MYT1L: variants seen among roughly 807,000 people sequenced by gnomAD.
MYT1L encodes myelin transcription factor 1-like protein.
Under a neutral mutation model 126.7 loss-of-function variants are expected in MYT1L, and 12 were observed. The ratio of observed to expected loss-of-function variants is 0.09; its 90% CI spans 0.06 to 0.15. The LOEUF is 0.15. Ranked by LOEUF, MYT1L falls within the 10% of genes least tolerant of loss-of-function variation. MYT1L has a pLI of 1.00. For synonymous variants in MYT1L, 541 were observed against 604.2 expected (o/e 0.90, Z 1.53); for missense variants, 979 against 1,585.2 (o/e 0.62, Z 6.49).
chr2:2,266,941 T>C (rs57582730), intron 2 of MYT1L, among the ~76,000 whole-genome samples: 66 of 152,306 alleles, frequency 4.3e-4, no homozygotes, highest in African/African-American at 1.4e-3. Flanking sequence ...CCTTTATAAA[T>C]TACCCAGTCT....
At chr2:2,031,106 A>G (rs1031938926) in intron 4 of MYT1L, among the ~76,000 whole-genome samples, 1 of 152,236 alleles carries the variant, frequency 6.6e-6, no homozygotes, top group Non-Finnish European at 1.5e-5. Context: ...TTAACTTCAG[A>G]AGTTAAAATT....
intron 2 of MYT1L, among the ~76,000 whole-genome samples, chr2:2,281,992 T>A (rs2095454073): frequency 6.6e-6 from 1 of 152,230 alleles, no homozygotes; most frequent in African/African-American, 2.4e-5. Context: ...AACACAATCC[T>A]AGCTTTCTTT....
chr2:2,111,562 A>G (rs2079462275), intron 3 of MYT1L, among the ~76,000 whole-genome samples: 1 of 152,222 alleles, frequency 6.6e-6, no homozygotes, highest in Non-Finnish European at 1.5e-5. Flanking sequence ...AACAGAGGCT[A>G]GAAATGTGAA....
chr2:2,204,561 G>A (rs2093232386), intron 2 of MYT1L, among the ~76,000 whole-genome samples: 1 of 141,730 alleles, frequency 7.1e-6, no homozygotes, highest in South Asian at 2.1e-4. Flanking sequence ...ACCACAATGA[G>A]ATACCATCTC....
Position 2,213,180 on chromosome 2 carries a change from C to T in MYT1L, c.-420-40192G>A, listed in dbSNP as rs149267320. On this transcript the variant is annotated intron_variant, in intron 2 of 24. Coordinates refer to ENST00000647738, the MANE Select transcript of MYT1L (RefSeq NM_001303052.2). ...CAAATACAAAACAATTGTTTCAAGACACCAGACACAAGATAATGGAGAGTG... is the reference window on the plus strand; with the variant it reads ...CAAATACAAAACAATTGTTTCAAGATACCAGACACAAGATAATGGAGAGTG... 1.1e-4 allele frequency among the ~76,000 whole-genome samples: 16 copies of T among 152,240 alleles called. 2 individuals are homozygous for T. Among genetic ancestry groups the T allele is most frequent in the African/African-American group, 3.9e-4 (16 of 41,548 alleles).
At position 1,943,228 on chromosome 2, in the gene MYT1L, C is replaced by T. The variant is rs539770858; in HGVS notation, c.259G>A (p.Val87Met). The stretch of plus-strand genomic sequence containing the variant: ...CCATCACTGTCGTCACACTCATCCA[C>T]TGAGGAGCTGTCTGCTTTCACGGCA... The part of the protein sequence containing the change: ...PFAVKADSSS[V>M]DECDDSDGTE... Residue 87 changes from valine to methionine, a missense_variant, in exon 9 of 25, where the codon GTG becomes ATG. Val to Met is a conservative substitution (Grantham distance 21, BLOSUM62 1). Coordinates refer to ENST00000647738, the MANE Select transcript of MYT1L (RefSeq NM_001303052.2). This position sits in a 1 kb window ranked among gnomAD's most constrained non-coding sequence, Gnocchi z 4.4. 318 of 1,553,150 alleles carry T rather than the reference C, an allele frequency of 2.0e-4. No individual in the cohort carries two copies. In the South Asian group the frequency reaches 3.1e-3, roughly 15 times the overall value.
intron 3 of MYT1L, among the ~76,000 whole-genome samples, chr2:2,058,920 A>G (rs1342753230): frequency 2.0e-5 from 3 of 152,186 alleles, no homozygotes; most frequent in Non-Finnish European, 4.4e-5. Context: ...GAAGCGATTG[A>G]GGATGATTAA....
chr2:2,169,717 C>A (rs111728389), intron 3 of MYT1L, among the ~76,000 whole-genome samples: 2 of 152,140 alleles, frequency 1.3e-5, no homozygotes, highest in Admixed American at 6.5e-5. Context: ...CCACCCCACC[C>A]GGTTGTGTGG....
intron 17 of MYT1L, 140 bp from the exon 18 acceptor site, chr2:1,886,747 G>A (rs142676552): frequency 1.7e-4 from 71 of 420,964 alleles, no homozygotes; most frequent in African/African-American, 1.1e-3. Context: ...TTTTTTTTGT[G>A]TAATTAATTC....
rs539539300 is a variant in MYT1L, at chr2:2,137,329, GA to G, written c.-304+35542del. On this transcript the variant is annotated intron_variant, in intron 3 of 24. Transcript: ENST00000647738. ...ACCAATGACTTTCTTCACAGAATTGGAAAAAACTACTTTAAAGTTCATATGG... is the reference window on the plus strand; with the variant it reads ...ACCAATGACTTTCTTCACAGAATTGGAAAAACTACTTTAAAGTTCATATGG... Among the ~76,000 whole-genome samples, 675 of 152,206 alleles carry G rather than the reference GA, an allele frequency of 4.4e-3. 2 individuals carry two copies. The highest frequency in any genetic ancestry group is 7.3e-3 in the South Asian group (35 of 4,822).
At chr2:1,830,541 C>G (rs543318993) in intron 21 of MYT1L, among the ~76,000 whole-genome samples, 1 of 151,330 alleles carries the variant, frequency 6.6e-6, no homozygotes, top group Non-Finnish European at 1.5e-5. Context: ...TCTCGGCACC[C>G]GGAAGGGCTC....
chr2:1,910,162 G>T lies in MYT1L; in HGVS notation c.1817+78C>A. 7.6e-7 allele frequency: 1 copy of T among 1,310,640 alleles called. No individual in the cohort carries two copies. Among genetic ancestry groups the T allele is most frequent in the Non-Finnish European group, 1.1e-6 (1 of 925,996 alleles). The allele number at this position is 1,310,640 out of a possible 1,614,324, so 81.2% of individuals were successfully genotyped here. On this transcript the variant is annotated intron_variant, in intron 13 of 24. Transcript: ENST00000647738. The surrounding 1 kb of genome is among the most constrained non-coding windows in gnomAD (Gnocchi z 4.8). ...CCCTGCTGCTGTAGGGACATGCCCT[G>T]AGCGGGTGTCCCCAGCGCTCCGAGG...
chr2:1,924,927 T>G (rs895662797), intron 9 of MYT1L, among the ~76,000 whole-genome samples: 5 of 152,206 alleles, frequency 3.3e-5, no homozygotes, highest in African/African-American at 1.2e-4. Context: ...CCATTTTAAT[T>G]AATATTTGGA....
At chr2:2,295,597 G>GAGAGACAGACAGAGAGAGAGAGAT (rs2095665364) in intron 1 of MYT1L, among the ~76,000 whole-genome samples, 7 of 92,998 alleles carry the variant, frequency 7.5e-5, no homozygotes, top group Non-Finnish European at 1.0e-4. Flanking sequence ...GACAGACAGA[G>GAGAGACAGACAGAGAGAGAGAGAT]AGAGAGACAG....
At chr2:2,261,616 T>C (rs1372692562) in intron 2 of MYT1L, among the ~76,000 whole-genome samples, 3 of 152,138 alleles carry the variant, frequency 2.0e-5, no homozygotes, top group Non-Finnish European at 2.9e-5. Flanking sequence ...TGGCAAAAAA[T>C]GCATTTATGT....
chr2:2,138,236 A>G (rs2083351490), intron 3 of MYT1L, among the ~76,000 whole-genome samples: 1 of 150,586 alleles, frequency 6.6e-6, no homozygotes, highest in African/African-American at 2.4e-5. Context: ...ACACTTTTAC[A>G]CTGTTGGTGG....
chr2:2,292,025 T>C (rs940643932), intron 1 of MYT1L, among the ~76,000 whole-genome samples: 20 of 152,304 alleles, frequency 1.3e-4, no homozygotes, highest in Admixed American at 1.2e-3. Context: ...CGACTGCCCA[T>C]CCAGGGCGCT....
rs2148016491 is a variant in MYT1L at position 1,811,495 on chromosome 2, G to A, written c.3081-2328C>T. 1 of 152,294 alleles carries A rather than the reference G, an allele frequency of 6.6e-6. No individual in the cohort carries two copies. Among genetic ancestry groups the A allele is most frequent in the Non-Finnish European group, 1.5e-5 (1 of 68,072 alleles). 9.4% of individuals were successfully genotyped at this position (152,294 alleles called of 1,614,324 possible). Reference sequence around the variant, plus strand: ...GGAGCAGAGAGGCCTCTGGGAACTGGGTGGCCTGACAGGGTGGGCACGGTG... The same window carrying A: ...GGAGCAGAGAGGCCTCTGGGAACTGAGTGGCCTGACAGGGTGGGCACGGTG... On this transcript the variant is annotated intron_variant, in intron 21 of 24. Coordinates refer to ENST00000647738, the MANE Select transcript of MYT1L (RefSeq NM_001303052.2). The surrounding 1 kb of genome is among the most constrained non-coding windows in gnomAD (Gnocchi z 4.4).
At chr2:1,808,603 A>G (rs2036092096) in intron 22 of MYT1L, among the ~76,000 whole-genome samples, 1 of 152,180 alleles carries the variant, frequency 6.6e-6, no homozygotes, top group Non-Finnish European at 1.5e-5. Context: ...GTTGGTGACA[A>G]GAGAGACCCT....
Sources: allele counts gnomAD v4.1 joint callset (sites outside exome capture counted in the v4.1 genomes callset), GRCh38; gene constraint gnomAD v4.1.1; non-coding constraint Gnocchi (gnomAD v3.1); transcripts MANE v1.5; gene names NCBI Gene and HGNC (gene_info 2026-07-23, HGNC 2026-07-21).